Variants in DNM3 observed in about 807,000 individuals in gnomAD.
The protein encoded by DNM3 is dynamin-3.
A neutral mutation model predicts 101.6 loss-of-function variants in DNM3; 47 were observed. The ratio of observed to expected loss-of-function variants is 0.46; its 90% CI spans 0.37 to 0.59. The LOEUF (loss-of-function observed/expected upper bound fraction) is 0.59. Among genes scored for constraint, DNM3 ranks in the 20% least tolerant of loss-of-function variants. The pLI, the probability that DNM3 is intolerant of heterozygous loss-of-function variation, is 0.00. For synonymous variants in DNM3, 385 were observed against 387.9 expected (o/e 0.99, Z 0.09); for missense variants, 849 against 1,085.7 (o/e 0.78, Z 3.06).
chr1:171,945,565 G>T (rs1170794617), intron 2 of DNM3, among the ~76,000 whole-genome samples: 1 of 152,170 alleles, frequency 6.6e-6, no homozygotes, highest in Non-Finnish European at 1.5e-5. Flanking sequence ...TCAACAATGA[G>T]GAAATGGGGG....
At chr1:171,913,331 G>C (rs750589298) in intron 1 of DNM3, among the ~76,000 whole-genome samples, 2 of 152,142 alleles carry the variant, frequency 1.3e-5, no homozygotes, top group African/African-American at 2.4e-5. Flanking sequence ...ATGTTTTTCA[G>C]ATAAAATTAT....
Position 172,407,825 on chromosome 1 carries a change from C to G in DNM3, c.2576C>G (p.Ser859Cys). The G allele has an allele frequency of 6.2e-7, 1 of 1,613,238 alleles. No individual in the cohort carries two copies. Among genetic ancestry groups the G allele is most frequent in the African/African-American group, 1.3e-5 (1 of 75,004 alleles). ...CCCACTATAATCCGCCCACTAGAAT[C>G]CTCCCTGTTAGACTAAACGAAGTGT... ...TRPTIIRPLE[S>C]SLLD is the part of the protein sequence containing the mutation. The change falls in exon 21 of 21, where the codon TCC (serine) becomes TGC (cysteine). Residue 859 changes from serine (S) to cysteine (C), a missense_variant. This residue lies in a region of DNM3 where 256 missense variants were observed against 311.7 expected (regional missense o/e 0.82). Transcript: ENST00000627582.
At chr1:172,231,465 A>C (rs942399465) in intron 14 of DNM3, among the ~76,000 whole-genome samples, 3 of 152,152 alleles carry the variant, frequency 2.0e-5, no homozygotes, top group Non-Finnish European at 4.4e-5. Context: ...ATCAAAGACC[A>C]AAGGTAGATA....
intron 17 of DNM3, among the ~76,000 whole-genome samples, chr1:172,373,732 G>T (rs147762455): frequency 4.0e-5 from 6 of 151,658 alleles, no homozygotes; most frequent in African/African-American, 7.3e-5. Context: ...TGTCAAACAG[G>T]CAACATACAC....
At chr1:172,418,439 T>G in exon 21 of DNM3, 3 of 802,928 alleles carry the variant, frequency 3.7e-6, no homozygotes, top group Non-Finnish European at 4.9e-6. Context: ...ATGTGTATAA[T>G]AAAAACAAAG....
chr1:171,907,328 C>A (rs1184271012), intron 1 of DNM3, among the ~76,000 whole-genome samples: 1 of 152,036 alleles, frequency 6.6e-6, no homozygotes, highest in Non-Finnish European at 1.5e-5. Context: ...CCCGTCTCTA[C>A]TAAAAATACA....
chr1:171,871,942 A>C (rs926258294), intron 1 of DNM3, among the ~76,000 whole-genome samples: 2 of 92,988 alleles, frequency 2.2e-5, no homozygotes, highest in African/African-American at 9.4e-5. Context: ...AAGAGGTAGT[A>C]ATTTTTTTTT....
chr1:172,321,986 G>A (rs902551021), intron 16 of DNM3, among the ~76,000 whole-genome samples: 2 of 151,886 alleles, frequency 1.3e-5, no homozygotes, highest in African/African-American at 4.8e-5. Context: ...GATAAGCCAG[G>A]GTGTTAACGG....
chr1:172,388,912 C>T (rs1029997418), intron 20 of DNM3, 103 bp downstream of exon 20: 7 of 1,016,864 alleles, frequency 6.9e-6, no homozygotes, highest in South Asian at 3.2e-5. Flanking sequence ...AAGATCTTAT[C>T]GTACGTGTTT....
chr1:172,332,320 T>A (rs2066224214), intron 17 of DNM3, among the ~76,000 whole-genome samples: 1 of 152,134 alleles, frequency 6.6e-6, no homozygotes, highest in African/African-American at 2.4e-5. Context: ...TTTTTTTACT[T>A]TTTTCTGGAG....
intron 12 of DNM3, among the ~76,000 whole-genome samples, chr1:172,083,103 T>G (rs1271705105): frequency 1.3e-5 from 2 of 152,210 alleles, no homozygotes; most frequent in African/African-American, 4.8e-5. Flanking sequence ...CTTGCCCTCC[T>G]CTCTTTTAGC....
At chr1:172,085,453 A>G (rs2053463229) in intron 12 of DNM3, among the ~76,000 whole-genome samples, 1 of 152,092 alleles carries the variant, frequency 6.6e-6, no homozygotes, top group Non-Finnish European at 1.5e-5. Flanking sequence ...CATTTGTTCC[A>G]TGACACAATT....
chr1:172,058,683 T>C lies in DNM3; in HGVS notation c.1335+9933T>C, dbSNP rs887783221. ...ACACAACATACCAGAATCTCTGGGA[T>C]GCATTTAAAGCAGTGTGTAGAGGGA... is the stretch of plus-strand genomic sequence containing the variant. On this transcript the variant is annotated intron_variant, in intron 10 of 20. Transcript: ENST00000627582. Among the ~76,000 whole-genome samples, 200 of 152,054 alleles carry C rather than the reference T, an allele frequency of 1.3e-3. 1 individual carries two copies. The highest frequency in any genetic ancestry group is 1.3e-3 in the Non-Finnish European group (91 of 67,978).
intron 18 of DNM3, among the ~76,000 whole-genome samples, chr1:172,380,393 A>G (rs2068831424): frequency 6.6e-6 from 1 of 152,080 alleles, no homozygotes; most frequent in South Asian, 2.1e-4. Flanking sequence ...TGATCTCTGC[A>G]TTCCTTGACT....
intron 17 of DNM3, among the ~76,000 whole-genome samples, chr1:172,352,820 C>G (rs2067257802): frequency 6.6e-6 from 1 of 152,190 alleles, no homozygotes. Context: ...TATGCACCAC[C>G]TGCCCTCTGA....
intron 20 of DNM3, among the ~76,000 whole-genome samples, chr1:172,406,216 T>C (rs2070872727): frequency 6.6e-6 from 1 of 151,984 alleles, no homozygotes; most frequent in East Asian, 1.9e-4. Flanking sequence ...CAGGGAAGGC[T>C]TCACTGAAGT....
In DNM3 at chr1:172,038,455, T is replaced by C. The variant is rs1410684269; in HGVS notation, c.986T>C (p.Leu329Ser). 6.2e-7 allele frequency: 1 copy of C among 1,612,684 alleles called. No homozygotes were observed. Among genetic ancestry groups the C allele is most frequent in the African/African-American group, 1.3e-5 (1 of 74,850 alleles). The part of the protein sequence containing the change: ...PEDPTRKTKA[L>S]LQMVQQFAVD... The stretch of plus-strand genomic sequence containing the variant: ...GACCCAACAAGGAAGACCAAAGCAT[T>C]GCTGCAGTAGGTCACCTTTCCCTTC... The change falls in exon 7 of 21, where the codon TTG becomes TCG. Residue 329 changes from leucine (L) to serine (S), a missense_variant. This residue lies in a region of DNM3 where 388 missense variants were observed against 483.0 expected (regional missense o/e 0.80). Transcript: ENST00000627582.
intron 14 of DNM3, among the ~76,000 whole-genome samples, chr1:172,219,788 C>T (rs2060841386): frequency 6.6e-6 from 1 of 152,108 alleles, no homozygotes; most frequent in Non-Finnish European, 1.5e-5. Context: ...AATCTGCCTT[C>T]CCCAGCAAAC....
intron 14 of DNM3, among the ~76,000 whole-genome samples, chr1:172,245,133 A>C (rs532147982): frequency 6.6e-6 from 1 of 152,270 alleles, no homozygotes; most frequent in East Asian, 1.9e-4. Context: ...TGCAACCAAA[A>C]CTAATAAGGA....
Sources: gnomAD v4.1 joint callset for allele counts (sites outside exome capture counted in the v4.1 genomes callset) on GRCh38, gnomAD v4.1.1 for gene constraint, gnomAD v4.1.1 regional missense constraint, MANE v1.5 for transcripts, NCBI Gene and HGNC (gene_info 2026-07-23, HGNC 2026-07-21) for gene names.